Variants in DHRSX observed in about 807,000 individuals in gnomAD.
The protein encoded by DHRSX is dehydrogenase/reductase X-linked.
DHRSX carries 31 observed loss-of-function variants against 34.0 expected under a neutral mutation model. The ratio of observed to expected loss-of-function variants is 0.91; its 90% CI spans 0.69 to 1.23. DHRSX has a LOEUF of 1.23. Ranked by LOEUF, DHRSX falls within the 50% of genes most tolerant of loss-of-function variation. DHRSX has a pLI of 0.00. For missense variants in DHRSX, 414 were observed against 428.1 expected (o/e 0.97, Z 0.29); for synonymous variants, 201 against 183.8 (o/e 1.09, Z -0.76).
At chrX:2,396,731 GTC>G (rs765544785) in intron 3 of DHRSX, among the ~76,000 whole-genome samples, 296 of 149,390 alleles carry the variant, frequency 2.0e-3, no homozygotes, top group African/African-American at 6.3e-3. Flanking sequence ...CATCACTCCA[GTC>G]TCTGTCTCCA....
chrX:2,479,976 G>T (rs1477385411), intron 1 of DHRSX, among the ~76,000 whole-genome samples: 3 of 152,134 alleles, frequency 2.0e-5, no homozygotes, highest in Non-Finnish European at 4.4e-5. Context: ...AACACCAAAG[G>T]AAAGAATGTT....
intron 6 of DHRSX, among the ~76,000 whole-genome samples, chrX:2,233,716 G>A (rs1211665404): frequency 6.6e-6 from 1 of 152,050 alleles, no homozygotes; most frequent in Non-Finnish European, 1.5e-5. Flanking sequence ...CTGCTGCCCA[G>A]GAGCTTCCAA....
At chrX:2,394,301 C>T (rs1297612776) in intron 3 of DHRSX, among the ~76,000 whole-genome samples, 1 of 152,194 alleles carries the variant, frequency 6.6e-6, no homozygotes. Context: ...CAGGAGAGAC[C>T]TGGACTTGGC....
At chrX:2,436,928 A>G (rs1035542487) in intron 1 of DHRSX, among the ~76,000 whole-genome samples, 1 of 151,824 alleles carries the variant, frequency 6.6e-6, no homozygotes, top group Non-Finnish European at 1.5e-5. Flanking sequence ...CAGGCTACAG[A>G]CCCCACCGTC....
chrX:2,265,814 GAGC>G lies in DHRSX; in HGVS notation c.596+923_596+925del, dbSNP rs769505545. ...AGCACCGGTGTCCAGCAGACGCAGG[GAGC>G]ACTGTCCTCAGAGCACCAGTGTACA... On this transcript the variant is annotated intron_variant, in intron 5 of 6. Coordinates refer to ENST00000334651, the MANE Select transcript of DHRSX (RefSeq NM_145177.3). 5.4e-3 allele frequency among the ~76,000 whole-genome samples: 760 copies of G among 141,022 alleles called. 8 individuals carry two copies. The highest frequency in any genetic ancestry group is 0.019 in the African/African-American group (714 of 36,856). The allele number at this position is 141,022 out of a possible 152,430, so 92.5% of individuals were successfully genotyped here.
chrX:2,446,677 G>A (rs753591028), intron 1 of DHRSX, among the ~76,000 whole-genome samples: 112 of 152,088 alleles, frequency 7.4e-4, no homozygotes, highest in Non-Finnish European at 1.4e-3. Flanking sequence ...TAAAAATGTG[G>A]CCAAGGGACC....
intron 2 of DHRSX, among the ~76,000 whole-genome samples, chrX:2,416,295 C>T (rs2043692164): frequency 6.6e-6 from 1 of 152,026 alleles, no homozygotes; most frequent in African/African-American, 2.4e-5. Context: ...TCATGACCAA[C>T]CCAAGTAGAC....
chrX:2,432,588 G>T (rs2043941017), intron 1 of DHRSX, among the ~76,000 whole-genome samples: 1 of 152,100 alleles, frequency 6.6e-6, no homozygotes, highest in Admixed American at 6.6e-5. Flanking sequence ...ACGACAAAAG[G>T]GGCAAAAGAT....
In DHRSX at chrX:2,320,355, G is replaced by C. The variant is rs1361239075; in HGVS notation, c.287-28752C>G. On this transcript the variant is annotated intron_variant, in intron 3 of 6. Transcript: ENST00000334651. ...TGTCACCCAGGCTGGACTGCAGTGG[G>C]GTGATCTCAGCTCACTGCAACCTCC... is the stretch of plus-strand genomic sequence containing the variant. Among the ~76,000 whole-genome samples the C allele has an allele frequency of 2.9e-5, 4 of 139,308 alleles. No homozygotes were observed. The South Asian group carries it at 9.4e-4, about 33-fold the overall frequency. 91.4% of individuals were successfully genotyped at this position (139,308 alleles called of 152,430 possible). A position where few individuals can be genotyped will look rare whatever the true frequency, so the allele number is the denominator to read the frequency against.
chrX:2,253,219 T>C lies in DHRSX; in HGVS notation c.597-9989A>G, dbSNP rs752116815. Among the ~76,000 whole-genome samples the C allele has an allele frequency of 5.3e-5, 8 of 151,024 alleles. No homozygotes were observed. In the East Asian group the frequency reaches 1.4e-3, roughly 26 times the overall value. On this transcript the variant is annotated intron_variant, in intron 5 of 6. Transcript: ENST00000334651. ...CACTGCACGGCCTGGGAGGCGGACA[T>C]GGCCTTGAGCCAAGATGGCGCCACG...
At chrX:2,283,967 C>G (rs369548686) in intron 4 of DHRSX, among the ~76,000 whole-genome samples, 1 of 18,094 alleles carries the variant, frequency 5.5e-5, no homozygotes, top group African/African-American at 1.7e-4. Flanking sequence ...TTTGAATTCA[C>G]TCATTCCTTT....
chrX:2,313,393 T>C (rs2042187592), intron 3 of DHRSX, among the ~76,000 whole-genome samples: 1 of 148,980 alleles, frequency 6.7e-6, no homozygotes, highest in Admixed American at 6.7e-5. Flanking sequence ...TTTTGAGATG[T>C]AGTCTCGCTC....
intron 3 of DHRSX, among the ~76,000 whole-genome samples, chrX:2,404,426 T>G (rs1279164060): frequency 2.0e-5 from 3 of 152,108 alleles, no homozygotes; most frequent in Non-Finnish European, 4.4e-5. Flanking sequence ...TTAAAAAATT[T>G]AAAAATGTAT....
At chrX:2,483,481 C>G (rs1048547319) in intron 1 of DHRSX, among the ~76,000 whole-genome samples, 18 of 152,024 alleles carry the variant, frequency 1.2e-4, no homozygotes, top group African/African-American at 7.2e-5. Context: ...GTTGCCCAGG[C>G]TGGTCTCAAA....
intron 1 of DHRSX, among the ~76,000 whole-genome samples, chrX:2,470,003 G>A (rs1475146404): frequency 1.3e-5 from 2 of 151,916 alleles, no homozygotes; most frequent in African/African-American, 4.8e-5. Context: ...CAACCCATGT[G>A]TCAATCAACA....
At chrX:2,327,169 G>A (rs1016612367) in intron 3 of DHRSX, among the ~76,000 whole-genome samples, 8 of 152,272 alleles carry the variant, frequency 5.3e-5, no homozygotes, top group African/African-American at 9.6e-5. Flanking sequence ...TGACGCTGGC[G>A]GCCATGTACT....
rs753153709 is a variant in DHRSX at position 2,489,183 on chromosome X, A to G, written c.109+11634T>C. On this transcript the variant is annotated intron_variant, in intron 1 of 6. Coordinates refer to ENST00000334651, the MANE Select transcript of DHRSX (RefSeq NM_145177.3). ...AAGATCTTGTCCTCAGCCGGCCGGT[A>G]GCCGCCGTCTTTGACCTTGTCCAGC... The G allele has an allele frequency of 4.8e-5, 77 of 1,613,688 alleles. 1 individual carries two copies. In the South Asian group the frequency reaches 7.8e-4, roughly 16 times the overall value.
intron 3 of DHRSX, among the ~76,000 whole-genome samples, chrX:2,321,410 C>T (rs2042309366): frequency 6.6e-6 from 1 of 152,038 alleles, no homozygotes; most frequent in Non-Finnish European, 1.5e-5. Context: ...AATGGTGTCA[C>T]CCCGAATCTC....
At chrX:2,298,379 G>C (rs1366610822) in intron 3 of DHRSX, among the ~76,000 whole-genome samples, 1 of 137,144 alleles carries the variant, frequency 7.3e-6, no homozygotes, top group East Asian at 2.0e-4. Context: ...CTGAAGGAGG[G>C]ATCTGGTCTT....
Sources: gnomAD v4.1 joint callset for allele counts (sites outside exome capture counted in the v4.1 genomes callset) on GRCh38, gnomAD v4.1.1 for gene constraint, MANE v1.5 for transcripts, NCBI Gene and HGNC (gene_info 2026-07-23, HGNC 2026-07-21) for gene names.